NFASC: variants seen among roughly 807,000 people sequenced by gnomAD.
The protein encoded by NFASC is neurofascin homolog.
A neutral mutation model predicts 147.5 loss-of-function variants in NFASC; 43 were observed. The observed-to-expected ratio is 0.29, with a 90% CI of 0.23 to 0.38. The LOEUF is 0.38. NFASC is among the 10% of genes least tolerant of loss of function. NFASC has a pLI of 1.00. For missense variants in NFASC, 1,320 were observed against 1,689.0 expected (o/e 0.78, Z 3.83); for synonymous variants, 622 against 665.5 (o/e 0.93, Z 1.01).
chr1:204,925,692 C>T (rs999942033), intron 2 of NFASC, among the ~76,000 whole-genome samples: 11 of 152,218 alleles, frequency 7.2e-5, no homozygotes, highest in Non-Finnish European at 1.2e-4. Context: ...TCTTTCCCTG[C>T]TCAAGCTCAG....
intron 11 of NFASC, among the ~76,000 whole-genome samples, chr1:204,973,003 C>G (rs774309757): frequency 1.3e-5 from 2 of 152,230 alleles, no homozygotes; most frequent in African/African-American, 2.4e-5. Flanking sequence ...AGCTAATGCT[C>G]TCAACCACAA....
intron 1 of NFASC, among the ~76,000 whole-genome samples, chr1:204,831,720 G>A (rs1363304654): frequency 1.3e-5 from 2 of 152,026 alleles, no homozygotes; most frequent in East Asian, 3.9e-4. Flanking sequence ...TGTTTGGGGT[G>A]GGGAGGGGAG....
chr1:204,844,568 A>G (rs1465924080), intron 1 of NFASC, among the ~76,000 whole-genome samples: 1 of 152,210 alleles, frequency 6.6e-6, no homozygotes, highest in African/African-American at 2.4e-5. Context: ...CATGGTAAAG[A>G]TAACTACACA....
intron 26 of NFASC, among the ~76,000 whole-genome samples, chr1:205,002,323 A>G (rs1223094450): frequency 3.3e-5 from 5 of 152,232 alleles, no homozygotes; most frequent in Non-Finnish European, 5.9e-5. Context: ...AGTAGGTTAT[A>G]ATATGTCTAG....
At chr1:204,902,090 T>C (rs2084755738) in intron 1 of NFASC, among the ~76,000 whole-genome samples, 2 of 152,154 alleles carry the variant, frequency 1.3e-5, no homozygotes, top group South Asian at 4.1e-4. Context: ...GCCTAGGAAT[T>C]CGAGACCAGC....
In NFASC at chr1:204,968,789, C is replaced by T. The variant is rs2095094966; in HGVS notation, c.819-9C>T. 9.3e-6 allele frequency: 15 copies of T among 1,608,740 alleles called. No homozygotes were observed. The highest frequency in any genetic ancestry group is 1.2e-5 in the Non-Finnish European group (14 of 1,177,238). ...TGATAACTTGTTTCCTGCTTGGCGCCTCTCCTAGCCCAACACCAGACATCG... is the reference window on the plus strand; with the variant it reads ...TGATAACTTGTTTCCTGCTTGGCGCTTCTCCTAGCCCAACACCAGACATCG... On this transcript the variant is annotated splice_polypyrimidine_tract_variant and intron_variant, in intron 9 of 29. Transcript: ENST00000339876. The surrounding 1 kb of genome is among the most constrained non-coding windows in gnomAD (Gnocchi z 5.4).
chr1:204,943,041 G>A (rs889784730), intron 2 of NFASC, among the ~76,000 whole-genome samples: 1 of 152,226 alleles, frequency 6.6e-6, no homozygotes, highest in African/African-American at 2.4e-5. Flanking sequence ...AGGAGATGGT[G>A]CATGTGCACA....
intron 1 of NFASC, among the ~76,000 whole-genome samples, chr1:204,914,263 T>C (rs567680567): frequency 3.3e-5 from 5 of 152,326 alleles, no homozygotes; most frequent in African/African-American, 9.6e-5. Flanking sequence ...TGAATTGTAG[T>C]TCCCATAATC....
At chr1:204,976,866 C>A in intron 16 of NFASC, 71 bp downstream of exon 16, 1 of 1,564,542 alleles carries the variant, frequency 6.4e-7, no homozygotes, top group Non-Finnish European at 8.7e-7. Context: ...AGCAGTGGCC[C>A]GGGGCAGTTC....
At chr1:204,994,613 C>T (rs768198833) in intron 24 of NFASC, among the ~76,000 whole-genome samples, 13 of 152,166 alleles carry the variant, frequency 8.5e-5, no homozygotes, top group Admixed American at 2.0e-4. Flanking sequence ...TCCTGCACTA[C>T]GCGGTGTGAT....
intron 27 of NFASC, among the ~76,000 whole-genome samples, chr1:205,007,350 A>AAC (rs146861772): frequency 0.059 from 8,910 of 151,458 alleles, 561 homozygotes; most frequent in African/African-American, 0.16. Flanking sequence ...GAGCTATGAT[A>AAC]ACACCACTGC....
chr1:204,944,459 GTGGGA>G, intron 3 of NFASC, 53 bp downstream of exon 3: 7 of 1,059,584 alleles, frequency 6.6e-6, no homozygotes, highest in African/African-American at 1.6e-5. Flanking sequence ...GGGCAGAGGG[GTGGGA>G]GGGGAGGGAA....
chr1:204,974,030 G>C, intron 12 of NFASC, 149 bp from the exon 13 acceptor site: 1 of 632,892 alleles, frequency 1.6e-6, no homozygotes, highest in South Asian at 1.9e-5. Context: ...ATCCTTAGGG[G>C]CTTCCTGAAG....
At chr1:204,951,905 C>T (rs2149963303) in intron 4 of NFASC, 106 bp from the exon 5 acceptor site, 1 of 832,092 alleles carries the variant, frequency 1.2e-6, no homozygotes, top group Non-Finnish European at 2.0e-6. Context: ...ACCCACTTGC[C>T]TGCTTGCATG....
At chr1:204,970,541 G>A in intron 10 of NFASC, 75 bp from the exon 11 acceptor site, 1 of 1,571,756 alleles carries the variant, frequency 6.4e-7, no homozygotes, top group African/African-American at 1.3e-5. Context: ...TGCCATACTA[G>A]AGGGAGACTG....
intron 26 of NFASC, among the ~76,000 whole-genome samples, chr1:205,002,037 C>A (rs1323797712): frequency 6.6e-6 from 1 of 152,220 alleles, no homozygotes; most frequent in Admixed American, 6.5e-5. Flanking sequence ...ACCTGGACTC[C>A]ATAGTTTGGT....
intron 7 of NFASC, 70 bp downstream of exon 7, chr1:204,955,021 G>A (rs2094359662): frequency 7.0e-6 from 11 of 1,570,872 alleles, no homozygotes; most frequent in Non-Finnish European, 9.6e-6. Context: ...TGTTAAGTGG[G>A]GAGGGGCTTG....
chr1:204,898,779 C>G (rs2083909511), intron 1 of NFASC, among the ~76,000 whole-genome samples: 1 of 152,210 alleles, frequency 6.6e-6, no homozygotes, highest in Admixed American at 6.5e-5. Flanking sequence ...AGGAGACTCA[C>G]AAGGTCCCGT....
In NFASC at chr1:204,954,354, C is replaced by T. The variant is rs2094312918; in HGVS notation, c.382C>T (p.Leu128=). The T allele has an allele frequency of 3.1e-5, 50 of 1,614,158 alleles. No individual in the cohort carries two copies. Among genetic ancestry groups the T allele is most frequent in the Non-Finnish European group, 4.2e-5 (49 of 1,180,030 alleles). The part of the protein sequence containing the change: ...CFARNKFGTA[L]SNRIRLQVSK... ...CGCCCGCAACAAATTTGGCACGGCC[C>T]TGTCCAATAGGATCCGCCTGCAGGT... The change falls in exon 6 of 30, where the codon CTG becomes TTG. Residue 128 remains leucine, a synonymous_variant. Transcript: ENST00000339876. The surrounding 1 kb of genome is among the most constrained non-coding windows in gnomAD (Gnocchi z 5.7).
Sources: gnomAD v4.1 joint callset for allele counts (sites outside exome capture counted in the v4.1 genomes callset) on GRCh38, gnomAD v4.1.1 for gene constraint, Gnocchi (gnomAD v3.1) non-coding constraint, MANE v1.5 for transcripts, NCBI Gene and HGNC (gene_info 2026-07-23, HGNC 2026-07-21) for gene names.